PRPF18: variants seen among roughly 807,000 people sequenced by gnomAD.
The protein encoded by PRPF18 is pre-mRNA processing factor 18, also known as pre-mRNA-splicing factor 18.
PRPF18 carries 38 observed loss-of-function variants against 46.5 expected under a neutral mutation model. The observed-to-expected ratio is 0.82, with a 90% CI of 0.63 to 1.07. The LOEUF (loss-of-function observed/expected upper bound fraction) is 1.07. Among genes scored for constraint, PRPF18 ranks in the 50% least tolerant of loss-of-function variants. PRPF18 has a pLI of 0.00. For missense variants in PRPF18, 263 were observed against 410.0 expected, an observed-to-expected ratio of 0.64 and a Z score of 3.10; for synonymous variants, 152 against 146.7, an observed-to-expected ratio of 1.04 and a Z score of -0.26.
chr10:13,641,953 A>G, the PRPF18 span: 13 of 152,352 alleles, frequency 8.5e-5, no homozygotes, highest in South Asian at 2.3e-3. Flanking sequence ...GATTTAAAAA[A>G]TCAATCTTGG....
At chr10:13,634,634 G>C (rs560379063), downstream of PRPF18, among the ~76,000 whole-genome samples, 4 of 152,322 alleles carry the variant, frequency 2.6e-5, no homozygotes, top group African/African-American at 9.6e-5. Flanking sequence ...AAGTAGAAGT[G>C]TAAAAGCTGT....
At chr10:13,620,260 C>A (rs1456272135) in intron 9 of PRPF18, among the ~76,000 whole-genome samples, 5 of 152,190 alleles carry the variant, frequency 3.3e-5, no homozygotes, top group Admixed American at 3.3e-4. Context: ...TGGCTGTGTT[C>A]CAGTAAAACC....
the PRPF18 span, chr10:13,640,025 C>G: frequency 6.6e-6 from 1 of 152,252 alleles, no homozygotes; most frequent in Non-Finnish European, 1.5e-5. Context: ...TCTCTCCACT[C>G]AAAGATCACC....
intron 4 of PRPF18, among the ~76,000 whole-genome samples, chr10:13,609,023 T>C (rs1453812673): frequency 6.6e-6 from 1 of 152,222 alleles, no homozygotes; most frequent in Non-Finnish European, 1.5e-5. Flanking sequence ...GATCAGTCAG[T>C]GTTTGAGAAA....
At chr10:13,598,431 ATTTATCCTGC>A (rs1007524445) in intron 2 of PRPF18, among the ~76,000 whole-genome samples, 4 of 152,160 alleles carry the variant, frequency 2.6e-5, no homozygotes, top group African/African-American at 7.2e-5. Flanking sequence ...CTGGAAATGG[ATTTATCCTGC>A]ATAGCATTTT....
intron 2 of PRPF18, 150 bp downstream of exon 2, chr10:13,597,685 T>A: frequency 6.3e-7 from 1 of 1,591,316 alleles, no homozygotes; most frequent in Non-Finnish European, 8.6e-7. Context: ...TGAGTTTTTG[T>A]TTTTGCATTT....
chr10:13,610,251 A>G, intron 5 of PRPF18, 66 bp downstream of exon 5: 2 of 1,528,928 alleles, frequency 1.3e-6, no homozygotes, highest in Non-Finnish European at 1.8e-6. Context: ...CAGATGACTG[A>G]GTCGGGCAGA....
chr10:13,590,973 T>C (rs1278192464), intron 1 of PRPF18, among the ~76,000 whole-genome samples: 1 of 152,266 alleles, frequency 6.6e-6, no homozygotes. Context: ...CAAAGTGCTA[T>C]ATGCTATCTG....
the PRPF18 span, among the ~76,000 whole-genome samples, chr10:13,650,505 C>T: frequency 6.6e-6 from 1 of 152,232 alleles, no homozygotes; most frequent in African/African-American, 2.4e-5. Context: ...GTTAATTCTA[C>T]TTCTGGCTGT....
chr10:13,654,457 G>T, the PRPF18 span: 1 of 1,613,656 alleles, frequency 6.2e-7, no homozygotes, highest in Non-Finnish European at 8.5e-7. Flanking sequence ...TGCTTGGGGG[G>T]GTGGCTCCAA....
the PRPF18 span, among the ~76,000 whole-genome samples, chr10:13,636,610 A>G: frequency 6.6e-6 from 1 of 152,190 alleles, no homozygotes; most frequent in Non-Finnish European, 1.5e-5. Flanking sequence ...TAACATACAT[A>G]CAGAAAAATT....
intron 3 of PRPF18, among the ~76,000 whole-genome samples, chr10:13,601,889 A>T (rs2080115946): frequency 6.6e-6 from 1 of 152,236 alleles, no homozygotes; most frequent in Non-Finnish European, 1.5e-5. Flanking sequence ...TTAGCTCTTT[A>T]CTGATGGATA....
the PRPF18 span, chr10:13,651,800 C>G: frequency 2.7e-6 from 2 of 727,944 alleles, no homozygotes; most frequent in Non-Finnish European, 5.1e-6. Flanking sequence ...GGCATAAATA[C>G]AGCATTCAGA....
At chr10:13,627,740 A>C (rs576458170) in intron 9 of PRPF18, among the ~76,000 whole-genome samples, 1 of 152,372 alleles carries the variant, frequency 6.6e-6, no homozygotes, top group South Asian at 2.1e-4. Flanking sequence ...TTTAAATCAT[A>C]GAATCTGCTT....
rs1241198843 is a variant in PRPF18, at chr10:13,606,313, C to CT, written c.363+572dup. Among the ~76,000 whole-genome samples, 14 of 152,190 alleles carry CT rather than the reference C, an allele frequency of 9.2e-5. 1 individual carries two copies. Among genetic ancestry groups the CT allele is most frequent in the Non-Finnish European group, 1.9e-4 (13 of 68,036 alleles). On this transcript the variant is annotated intron_variant, in intron 4 of 9. Coordinates refer to ENST00000378572, the MANE Select transcript of PRPF18 (RefSeq NM_003675.4). Reference sequence around the variant, plus strand: ...GACTCATAGATTGTGTGTCTGGCTTCTTTCGCTCAGCATATCAGTTTTTAG... The same window carrying CT: ...GACTCATAGATTGTGTGTCTGGCTTCTTTTCGCTCAGCATATCAGTTTTTAG...
At chr10:13,654,597 A>T in the PRPF18 span, 1 of 823,336 alleles carries the variant, frequency 1.2e-6, no homozygotes, top group South Asian at 1.6e-5. Flanking sequence ...GGCTGACACC[A>T]ACCCAGTGGC....
chr10:13,588,794 A>T (rs1237676950), intron 1 of PRPF18, among the ~76,000 whole-genome samples: 1 of 152,164 alleles, frequency 6.6e-6, no homozygotes. Flanking sequence ...CCCTTACTTT[A>T]TTGTGTAGCA....
At chr10:13,637,934 G>A in the PRPF18 span, 4 of 152,326 alleles carry the variant, frequency 2.6e-5, no homozygotes, top group East Asian at 1.9e-4. Context: ...TGCCATAAAT[G>A]TGTGGTGTAG....
the PRPF18 span, chr10:13,654,107 C>A: frequency 1.9e-6 from 1 of 516,950 alleles, no homozygotes; most frequent in East Asian, 3.2e-5. Flanking sequence ...TAATCCAAAC[C>A]GAAATGAAAT....
Sources: allele counts gnomAD v4.1 joint callset (sites outside exome capture counted in the v4.1 genomes callset), GRCh38; gene constraint gnomAD v4.1.1; transcripts MANE v1.5; gene names NCBI Gene and HGNC (gene_info 2026-07-23, HGNC 2026-07-21).